Variants in ATP8B1 observed in about 807,000 individuals in gnomAD.
ATP8B1 encodes the protein phospholipid-transporting ATPase IC.
In ATP8B1, 80 loss-of-function variants were observed where a neutral mutation model predicts 149.9. The ratio of observed to expected loss-of-function variants is 0.53; its 90% confidence interval spans 0.45 to 0.64. ATP8B1 has a LOEUF of 0.64. Among genes scored for constraint, ATP8B1 ranks in the 30% least tolerant of loss-of-function variants. The probability of loss-of-function intolerance (pLI) is 0.00; values close to 1 mark genes in which losing one functional copy is unlikely to be tolerated. For synonymous variants in ATP8B1, 536 were observed against 562.8 expected (o/e 0.95, Z 0.67); for missense variants, 1,247 against 1,552.6 (o/e 0.80, Z 3.31).
intron 1 of ATP8B1, among the ~76,000 whole-genome samples, chr18:57,787,824 G>A (rs1463635940): frequency 2.0e-5 from 3 of 152,060 alleles, no homozygotes; most frequent in Admixed American, 2.0e-4. Flanking sequence ...AAATAAATAG[G>A]CCTCATTTAA....
At chr18:57,797,314 A>G (rs146266579) in intron 1 of ATP8B1, among the ~76,000 whole-genome samples, 1 of 152,370 alleles carries the variant, frequency 6.6e-6, no homozygotes, top group Admixed American at 6.5e-5. Flanking sequence ...GCCATAAATG[A>G]CAGCCCTGTC....
rs530744627 is a variant in ATP8B1 at position 57,752,836 on chromosome 18, A to C, written c.-25-21004T>G. Among the ~76,000 whole-genome samples, 153 of 152,334 alleles carry C rather than the reference A, an allele frequency of 1.0e-3. 1 individual carries two copies. Among genetic ancestry groups the C allele is most frequent in the Non-Finnish European group, 1.7e-3 (118 of 68,024 alleles). On this transcript the variant is annotated intron_variant, in intron 1 of 27. Coordinates refer to ENST00000648908, the MANE Select transcript of ATP8B1 (RefSeq NM_001374385.1). ...CTCTGCAATAGCTCCATTGCCCAGA[A>C]CAGCATGTAACACACAGTAGAACTT...
At chr18:57,768,328 A>T (rs1351912563) in intron 1 of ATP8B1, among the ~76,000 whole-genome samples, 2 of 140,870 alleles carry the variant, frequency 1.4e-5, no homozygotes, top group Non-Finnish European at 3.0e-5. Flanking sequence ...CGGAGGTTGC[A>T]GTGAGCAAAG....
At chr18:57,676,064 T>C (rs1474111636) in intron 15 of ATP8B1, among the ~76,000 whole-genome samples, 3 of 152,234 alleles carry the variant, frequency 2.0e-5, no homozygotes, top group African/African-American at 4.8e-5. Flanking sequence ...CAGAGAACAC[T>C]GATAATTTTA....
intron 1 of ATP8B1, among the ~76,000 whole-genome samples, chr18:57,776,981 C>CTTT (rs781610628): frequency 7.2e-6 from 1 of 138,732 alleles, no homozygotes; most frequent in Non-Finnish European, 1.6e-5. Flanking sequence ...TTTTCTCAGG[C>CTTT]TTTTTTTTTT....
intron 6 of ATP8B1, 72 bp from the exon 7 acceptor site, chr18:57,697,939 A>G: frequency 7.3e-7 from 1 of 1,366,228 alleles, no homozygotes; most frequent in Non-Finnish European, 1.0e-6. Context: ...TTCTTTCTGG[A>G]TGTTATAGAT....
intron 14 of ATP8B1, 78 bp downstream of exon 14, chr18:57,684,994 C>T: frequency 3.9e-6 from 6 of 1,548,484 alleles, no homozygotes; most frequent in Non-Finnish European, 5.4e-6. Flanking sequence ...CTTCCCTAGA[C>T]CTTCAAAGGA....
At chr18:57,682,158 C>T (rs984098471) in intron 15 of ATP8B1, among the ~76,000 whole-genome samples, 1 of 152,056 alleles carries the variant, frequency 6.6e-6, no homozygotes, top group Non-Finnish European at 1.5e-5. Flanking sequence ...GCACATGCCA[C>T]CATGCTTGGC....
At chr18:57,778,374 C>T (rs1286809549) in intron 1 of ATP8B1, among the ~76,000 whole-genome samples, 2 of 151,748 alleles carry the variant, frequency 1.3e-5, no homozygotes, top group African/African-American at 2.4e-5. Context: ...TACAGGCGCC[C>T]GCCGCTACGC....
At position 57,695,202 on chromosome 18, in the gene ATP8B1, G is replaced by A. The variant is rs774997547; in HGVS notation, c.909C>T (p.Thr303=). The part of the protein sequence containing the change: ...ILLRGCVIRN[T]DFCHGLVIFA... ...AAATGACTAAGCCGTGGCAGAAATC[G>A]GTGTTCCTAATTACACAGCCACGTA... The change falls in exon 10 of 28, where the codon ACC becomes ACT. Residue 303 remains threonine (T), a synonymous_variant. Coordinates refer to ENST00000648908, the MANE Select transcript of ATP8B1 (RefSeq NM_001374385.1). 69 of 1,614,108 alleles carry A rather than the reference G, an allele frequency of 4.3e-5. No individual in the cohort carries two copies. The highest frequency in any genetic ancestry group is 5.4e-5 in the Non-Finnish European group (64 of 1,180,030).
intron 1 of ATP8B1, among the ~76,000 whole-genome samples, chr18:57,739,862 A>C (rs149574230): frequency 2.0e-3 from 300 of 152,296 alleles, no homozygotes; most frequent in African/African-American, 7.0e-3. Context: ...GAAGATATCA[A>C]AGGTGAGGAC....
rs534403800 is a variant in ATP8B1, at chr18:57,686,180, T to G, written c.1430-1065A>C. The stretch of plus-strand genomic sequence containing the variant: ...AGGAAGCTGAGGGAGGAGAATCATG[T>G]GAACCTGGGAGGCGGAGGGGTTGCA... On this transcript the variant is annotated intron_variant, in intron 13 of 27. Coordinates refer to ENST00000648908, the MANE Select transcript of ATP8B1 (RefSeq NM_001374385.1). Among the ~76,000 whole-genome samples the G allele has an allele frequency of 2.0e-5, 3 of 151,808 alleles. No individual in the cohort carries two copies. In the East Asian group the frequency reaches 5.9e-4, roughly 30 times the overall value.
At chr18:57,757,525 A>G (rs1395096366) in intron 1 of ATP8B1, among the ~76,000 whole-genome samples, 1 of 152,168 alleles carries the variant, frequency 6.6e-6, no homozygotes, top group Non-Finnish European at 1.5e-5. Flanking sequence ...ACACATACAT[A>G]TACACTTATG....
chr18:57,737,490 C>T (rs985130270), intron 1 of ATP8B1, among the ~76,000 whole-genome samples: 1 of 152,002 alleles, frequency 6.6e-6, no homozygotes, highest in African/African-American at 2.4e-5. Flanking sequence ...CAGCAATCCT[C>T]CTACCCTGCT....
intron 1 of ATP8B1, among the ~76,000 whole-genome samples, chr18:57,751,941 C>T (rs1041032367): frequency 4.6e-5 from 7 of 152,262 alleles, no homozygotes; most frequent in Admixed American, 1.3e-4. Context: ...CATGGTGGCT[C>T]ATGCCTATAA....
At chr18:57,650,340 G>A in intron 27 of ATP8B1, 27 bp downstream of exon 27, 2 of 1,609,186 alleles carry the variant, frequency 1.2e-6, no homozygotes, top group African/African-American at 1.3e-5. Context: ...GAGGGACAGA[G>A]TTGGGAAAGG....
chr18:57,790,362 C>A (rs2080452186), intron 1 of ATP8B1, among the ~76,000 whole-genome samples: 1 of 146,360 alleles, frequency 6.8e-6, no homozygotes, highest in East Asian at 2.2e-4. Context: ...TCTGGATTAT[C>A]AAACAAAACC....
chr18:57,677,896 C>T (rs1028217670), intron 15 of ATP8B1, among the ~76,000 whole-genome samples: 1 of 152,056 alleles, frequency 6.6e-6, no homozygotes, highest in African/African-American at 2.4e-5. Flanking sequence ...TGGTAAAGTT[C>T]CCACAAGTAA....
At chr18:57,701,163 A>G in intron 5 of ATP8B1, 52 bp downstream of exon 5, 1 of 1,611,912 alleles carries the variant, frequency 6.2e-7, no homozygotes, top group East Asian at 2.2e-5. Flanking sequence ...AGGCACGAGA[A>G]CTTAAAGTCA....
Sources: allele counts gnomAD v4.1 joint callset (sites outside exome capture counted in the v4.1 genomes callset), GRCh38; gene constraint gnomAD v4.1.1; transcripts MANE v1.5; gene names NCBI Gene and HGNC (gene_info 2026-07-23, HGNC 2026-07-21).